Variants in EXOSC10 observed in about 807,000 individuals in gnomAD.
EXOSC10 encodes exosome component 10.
Under a neutral mutation model 126.6 loss-of-function variants are expected in EXOSC10, and 94 were observed. The ratio of observed to expected loss-of-function variants is 0.74; its 90% CI spans 0.63 to 0.88. EXOSC10 has a LOEUF of 0.88. Among genes scored for constraint, EXOSC10 ranks in the 40% least tolerant of loss-of-function variants. EXOSC10 has a pLI of 0.00. For synonymous variants in EXOSC10, 395 were observed against 400.8 expected (o/e 0.99, Z 0.17); for missense variants, 1,041 against 1,100.5 (o/e 0.95, Z 0.77).
At chr1:11,068,395 G>A in intron 23 of EXOSC10, 1 of 592,856 alleles carries the variant, frequency 1.7e-6, no homozygotes, top group Non-Finnish European at 3.0e-6. Context: ...GGTGCTTTTG[G>A]CCTGCAGCTA....
At chr1:11,092,116 C>T (rs1189135045) in intron 3 of EXOSC10, among the ~76,000 whole-genome samples, 1 of 152,086 alleles carries the variant, frequency 6.6e-6, no homozygotes, top group African/African-American at 2.4e-5. Context: ...ATAGATGGTC[C>T]CCAATGTATG....
chr1:11,099,568 G>A (rs1405888790), intron 1 of EXOSC10, 153 bp downstream of exon 1: 2 of 711,122 alleles, frequency 2.8e-6, no homozygotes, highest in Non-Finnish European at 4.3e-6. Context: ...ATCCCCGGAG[G>A]GTGCAGGAGA....
intron 10 of EXOSC10, among the ~76,000 whole-genome samples, chr1:11,081,810 C>T (rs989915654): frequency 7.2e-5 from 11 of 151,818 alleles, no homozygotes; most frequent in African/African-American, 9.7e-5. Context: ...GGGCCAGGCG[C>T]GGTGGCTCAC....
At chr1:11,093,162 C>T (rs916459250) in intron 3 of EXOSC10, among the ~76,000 whole-genome samples, 1 of 152,114 alleles carries the variant, frequency 6.6e-6, no homozygotes, top group Non-Finnish European at 1.5e-5. Flanking sequence ...TGCTCAAAGG[C>T]AGGTAGGACA....
At chr1:11,070,208 G>A (rs1015698919) in intron 21 of EXOSC10, among the ~76,000 whole-genome samples, 7 of 147,350 alleles carry the variant, frequency 4.8e-5, no homozygotes, top group Non-Finnish European at 7.4e-5. Flanking sequence ...CTGTACTCCA[G>A]CCTGGGCATC....
intron 9 of EXOSC10, among the ~76,000 whole-genome samples, chr1:11,087,243 G>A (rs1204375920): frequency 3.9e-5 from 6 of 152,204 alleles, no homozygotes; most frequent in South Asian, 2.1e-4. Flanking sequence ...ATGATTTAAC[G>A]TTTTTCTGGG....
chr1:11,068,910 C>T, intron 22 of EXOSC10: 1 of 595,194 alleles, frequency 1.7e-6, no homozygotes. Flanking sequence ...AAAACCAGGC[C>T]CATTTCTCTC....
intron 17 of EXOSC10, among the ~76,000 whole-genome samples, chr1:11,074,714 G>A (rs902913842): frequency 6.6e-6 from 1 of 152,066 alleles, no homozygotes; most frequent in Non-Finnish European, 1.5e-5. Flanking sequence ...CACGCACCCG[G>A]CCAGTAACAG....
At chr1:11,074,701 C>T (rs930561937) in intron 17 of EXOSC10, among the ~76,000 whole-genome samples, 38 of 152,268 alleles carry the variant, frequency 2.5e-4, no homozygotes, top group Admixed American at 2.1e-3. Context: ...GTGTGAGCCA[C>T]CGCACGCACC....
intron 17 of EXOSC10, 92 bp downstream of exon 17, chr1:11,076,750 G>A (rs1303509866): frequency 1.1e-5 from 11 of 977,642 alleles, no homozygotes; most frequent in Non-Finnish European, 1.8e-5. Flanking sequence ...GTCTCCGAGT[G>A]TATGCAATGC....
chr1:11,084,382 T>C (rs1327142220), intron 9 of EXOSC10, among the ~76,000 whole-genome samples: 2 of 152,264 alleles, frequency 1.3e-5, no homozygotes, highest in Admixed American at 1.3e-4. Flanking sequence ...TGGCCAGTGA[T>C]GGTGAGCATT....
In EXOSC10 at chr1:11,074,571, C is replaced by A. The variant is rs183499275; in HGVS notation, c.1987-245G>T. Among the ~76,000 whole-genome samples, 85 of 152,150 alleles carry A rather than the reference C, an allele frequency of 5.6e-4. 1 individual carries two copies. The South Asian group carries it at 0.017, about 31-fold the overall frequency. On this transcript the variant is annotated intron_variant, in intron 17 of 24. Transcript: ENST00000376936. ...GGGATTACAGGCACGTGCCACCATG[C>A]CCAGCTAATTTTTGTATTTTTAGCA...
At chr1:11,091,360 G>A in intron 4 of EXOSC10, 133 bp downstream of exon 4, 1 of 955,520 alleles carries the variant, frequency 1.0e-6, no homozygotes, top group Non-Finnish European at 1.6e-6. Flanking sequence ...GTTTGTGTAT[G>A]TTTATGAGAA....
Position 11,091,450 on chromosome 1 carries a change from G to A in EXOSC10, c.477+43C>T. On this transcript the variant is annotated intron_variant, in intron 4 of 24. Transcript: ENST00000376936. ...TTAGAATGAGCAAAATCTCTGTTAT[G>A]AAGCTGACATCAAGAGCTCTAGTTA... 3 of 1,518,286 alleles carry A rather than the reference G, an allele frequency of 2.0e-6. No individual in the cohort carries two copies. The East Asian group carries it at 6.8e-5, about 34-fold the overall frequency. The allele number at this position is 1,518,286 out of a possible 1,614,324, so 94.1% of individuals were successfully genotyped here. A position where few individuals can be genotyped will look rare whatever the true frequency, so the allele number is the denominator to read the frequency against.
rs770290882 is a variant in EXOSC10 at position 11,095,831 on chromosome 1, C to T, written c.299G>A (p.Arg100Gln). 2.2e-5 allele frequency: 36 copies of T among 1,613,894 alleles called. No homozygotes were observed. Among genetic ancestry groups the T allele is most frequent in the Admixed American group, 1.2e-4 (7 of 59,998 alleles). ...GTCTTCCAGCTCAGTCACTTTACTT[C>T]GATCCTTAATGTTGCTGCGACACCC... The part of the protein sequence containing the change: ...YHGCRSNIKD[R>Q]SKVTELEDKF... The change falls in exon 3 of 25, where the codon CGA (arginine) becomes CAA (glutamine). Residue 100 changes from arginine (R) to glutamine (Q), a missense_variant. Transcript: ENST00000376936.
At position 11,081,232 on chromosome 1, in the gene EXOSC10, C is replaced by A; in HGVS notation, c.1287G>T (p.Leu429=). Residue 429 remains leucine, a synonymous_variant, in exon 11 of 25, where the codon CTG becomes CTT. Transcript: ENST00000376936. Reference sequence around the variant, plus strand: ...GGGCGTAGCTGAGCATCTCCTCGGGCAGAGGGCTGGAATTGCAGAGGACAA... The same window carrying A: ...GGGCGTAGCTGAGCATCTCCTCGGGAAGAGGGCTGGAATTGCAGAGGACAA... ...YQLADWRIRP[L]PEEMLSYARD... is the part of the protein sequence containing the mutation. 1 of 1,614,104 alleles carries A rather than the reference C, an allele frequency of 6.2e-7. No homozygotes were observed. The highest frequency in any genetic ancestry group is 2.2e-5 in the East Asian group (1 of 44,890).
At chr1:11,079,880 T>C in intron 13 of EXOSC10, 58 bp from the exon 14 acceptor site, 1 of 1,358,338 alleles carries the variant, frequency 7.4e-7, no homozygotes, top group Non-Finnish European at 1.0e-6. Flanking sequence ...CCTTAAAGGC[T>C]TCCAGATAAG....
intron 1 of EXOSC10, among the ~76,000 whole-genome samples, chr1:11,098,884 C>T (rs1193910486): frequency 6.6e-6 from 1 of 152,144 alleles, no homozygotes; most frequent in East Asian, 1.9e-4. Context: ...TGTGAATAAA[C>T]ATTTCCCAAG....
Position 11,099,845 on chromosome 1 carries a change from A to T in EXOSC10, c.-14T>A. The stretch of plus-strand genomic sequence containing the variant: ...GGGTGGCGCCATTTTTTCAGCCTGC[A>T]CGGCTCGTCTCGCGAGAGCTTGTCG... On this transcript the variant is annotated 5_prime_UTR_variant, in exon 1 of 25. Coordinates refer to ENST00000376936, the MANE Select transcript of EXOSC10 (RefSeq NM_001001998.3). The T allele has an allele frequency of 6.3e-7, 1 of 1,590,598 alleles. No homozygotes were observed. Among genetic ancestry groups the T allele is most frequent in the Non-Finnish European group, 8.6e-7 (1 of 1,167,430 alleles).
Sources: allele counts gnomAD v4.1 joint callset (sites outside exome capture counted in the v4.1 genomes callset), GRCh38; gene constraint gnomAD v4.1.1; transcripts MANE v1.5; gene names NCBI Gene and HGNC (gene_info 2026-07-23, HGNC 2026-07-21).